The following MAP3K5 variants were observed in gnomAD, a reference collection of about 807,000 sequenced individuals.
MAP3K5 encodes the protein ASK-1.
MAP3K5 carries 56 observed loss-of-function variants against 158.7 expected under a neutral mutation model. The ratio of observed to expected loss-of-function variants is 0.35; its 90% CI spans 0.28 to 0.44. MAP3K5 has a LOEUF of 0.44. Ranked by LOEUF, MAP3K5 falls within the 20% of genes least tolerant of loss-of-function variation. The pLI, the probability that MAP3K5 is intolerant of heterozygous loss-of-function variation, is 1.00. For missense variants in MAP3K5, 1,294 were observed against 1,674.8 expected, an observed-to-expected ratio of 0.77 and a Z score of 3.97; for synonymous variants, 579 against 601.7, an observed-to-expected ratio of 0.96 and a Z score of 0.55.
intron 1 of MAP3K5, among the ~76,000 whole-genome samples, chr6:136,761,667 G>A (rs1783764609): frequency 6.6e-6 from 1 of 152,184 alleles, no homozygotes; most frequent in Non-Finnish European, 1.5e-5. Context: ...TCACAGAAAG[G>A]GGGCCTTGTG....
At chr6:136,642,055 T>TA (rs1175810977) in intron 12 of MAP3K5, among the ~76,000 whole-genome samples, 2 of 136,956 alleles carry the variant, frequency 1.5e-5, no homozygotes, top group African/African-American at 6.2e-5. Flanking sequence ...TAAAATAAAA[T>TA]AAAATAAAAT....
chr6:136,737,057 A>ATATATATATATATATATATATATAT (rs1782506729), intron 1 of MAP3K5, among the ~76,000 whole-genome samples: 1 of 147,662 alleles, frequency 6.8e-6, no homozygotes, highest in African/African-American at 2.5e-5. Context: ...ATATATATAT[A>ATATATATATATATATATATATATAT]AACTTAGATG....
At chr6:136,594,329 G>T (rs1040691231) in intron 21 of MAP3K5, among the ~76,000 whole-genome samples, 1 of 152,142 alleles carries the variant, frequency 6.6e-6, no homozygotes, top group African/African-American at 2.4e-5. Context: ...AGGTTTGAAG[G>T]GGGGCCCAAA....
chr6:136,715,474 C>A (rs1260106733), intron 2 of MAP3K5, among the ~76,000 whole-genome samples: 1 of 152,182 alleles, frequency 6.6e-6, no homozygotes, highest in Non-Finnish European at 1.5e-5. Context: ...AGACTCTCAT[C>A]TTCCCTTCCC....
At chr6:136,668,406 T>G (rs2114518631) in intron 8 of MAP3K5, among the ~76,000 whole-genome samples, 1 of 152,280 alleles carries the variant, frequency 6.6e-6, no homozygotes. Context: ...TCTTTTATTT[T>G]GAAGAAAAAG....
intron 1 of MAP3K5, among the ~76,000 whole-genome samples, chr6:136,723,843 G>A (rs1781844993): frequency 6.6e-6 from 1 of 152,094 alleles, no homozygotes; most frequent in African/African-American, 2.4e-5. Flanking sequence ...CCCCCCTCAA[G>A]GCTAAAAATG....
At chr6:136,748,888 T>C (rs564100856) in intron 1 of MAP3K5, among the ~76,000 whole-genome samples, 1 of 152,398 alleles carries the variant, frequency 6.6e-6, no homozygotes, top group South Asian at 2.1e-4. Context: ...ATTCATTTTG[T>C]ATAATTAAGG....
intron 20 of MAP3K5, 75 bp from the exon 21 acceptor site, chr6:136,601,117 A>C (rs2129085373): frequency 7.0e-7 from 1 of 1,426,800 alleles, no homozygotes; most frequent in South Asian, 1.2e-5. Context: ...TCAACAAAAA[A>C]TGAATGCCTG....
In MAP3K5 at chr6:136,590,787, G is replaced by A. The variant is rs150284813; in HGVS notation, c.3225+1386C>T. On this transcript the variant is annotated intron_variant, in intron 23 of 29. Transcript: ENST00000359015. ...GATCTCCTGACCTCGTGATCCACCC[G>A]CCTCAGCCTCCCAAAGTGCTGGGAT... 1.5e-3 allele frequency among the ~76,000 whole-genome samples: 232 copies of A among 152,142 alleles called. 1 individual carries two copies. The highest frequency in any genetic ancestry group is 2.5e-3 in the Non-Finnish European group (167 of 67,976).
intron 19 of MAP3K5, 102 bp downstream of exon 19, chr6:136,605,107 A>T: frequency 1.7e-6 from 2 of 1,200,206 alleles, no homozygotes; most frequent in Non-Finnish European, 2.4e-6. Context: ...AGTTGTGTTT[A>T]CTTAGCACCC....
chr6:136,651,462 A>C (rs765101163), intron 10 of MAP3K5, among the ~76,000 whole-genome samples: 1 of 152,212 alleles, frequency 6.6e-6, no homozygotes, highest in Non-Finnish European at 1.5e-5. Context: ...GTGTCAAAGA[A>C]AGACAGAAAA....
At chr6:136,573,758 T>C (rs1182116397) in intron 25 of MAP3K5, among the ~76,000 whole-genome samples, 1 of 152,150 alleles carries the variant, frequency 6.6e-6, no homozygotes, top group Non-Finnish European at 1.5e-5. Context: ...GACAGCCATG[T>C]GTCAGGAGAA....
intron 4 of MAP3K5, among the ~76,000 whole-genome samples, chr6:136,697,620 G>A (rs578119393): frequency 7.2e-6 from 1 of 139,466 alleles, no homozygotes; most frequent in South Asian, 2.1e-4. Flanking sequence ...AAAGGTAAAG[G>A]TACTCCATAT....
At chr6:136,702,189 T>C (rs1780882850) in intron 3 of MAP3K5, among the ~76,000 whole-genome samples, 1 of 152,172 alleles carries the variant, frequency 6.6e-6, no homozygotes, top group South Asian at 2.1e-4. Flanking sequence ...CTTTTTTTTT[T>C]TCAATTTCCC....
At chr6:136,691,744 A>C (rs1780396977) in intron 7 of MAP3K5, among the ~76,000 whole-genome samples, 1 of 151,664 alleles carries the variant, frequency 6.6e-6, no homozygotes, top group South Asian at 2.1e-4. Flanking sequence ...TTGCTCTTTT[A>C]TCGTATTGTG....
intron 21 of MAP3K5, among the ~76,000 whole-genome samples, chr6:136,598,317 T>C (rs543476580): frequency 5.3e-5 from 8 of 152,352 alleles, no homozygotes; most frequent in African/African-American, 1.7e-4. Flanking sequence ...CACTGGAAAG[T>C]CTGCCTTGAA....
chr6:136,662,820 A>T (rs918581270), intron 8 of MAP3K5, among the ~76,000 whole-genome samples: 1 of 152,154 alleles, frequency 6.6e-6, no homozygotes, highest in African/African-American at 2.4e-5. Context: ...CTATTTAAAA[A>T]TATTTTGGTT....
chr6:136,583,758 C>T lies in MAP3K5; in HGVS notation c.3226-18G>A. 1 of 1,608,918 alleles carries T rather than the reference C, an allele frequency of 6.2e-7. No homozygotes were observed. Among genetic ancestry groups the T allele is most frequent in the Non-Finnish European group, 8.5e-7 (1 of 1,175,832 alleles). On this transcript the variant is annotated intron_variant, in intron 23 of 29. Coordinates refer to ENST00000359015, the MANE Select transcript of MAP3K5 (RefSeq NM_005923.4). ...TCAGCCCCCTGTGAATAAAAATCAA[C>T]AATCCTTACATCAACATATGCTGGA...
Position 136,641,408 on chromosome 6 carries a change from A to G in MAP3K5, c.1838+1112T>C, listed in dbSNP as rs534028191. 9.2e-5 allele frequency among the ~76,000 whole-genome samples: 14 copies of G among 152,358 alleles called. No homozygotes were observed. In the South Asian group the frequency reaches 1.9e-3, roughly 20 times the overall value. Reference sequence around the variant, plus strand: ...TATGACGTGGGGGTAAACAGTAGTTAGCACATCTAATTTGGTTTGAAATCT... The same window carrying G: ...TATGACGTGGGGGTAAACAGTAGTTGGCACATCTAATTTGGTTTGAAATCT... On this transcript the variant is annotated intron_variant, in intron 12 of 29. Transcript: ENST00000359015.
Sources: allele counts gnomAD v4.1 joint callset (sites outside exome capture counted in the v4.1 genomes callset), GRCh38; gene constraint gnomAD v4.1.1; transcripts MANE v1.5; gene names NCBI Gene and HGNC (gene_info 2026-07-23, HGNC 2026-07-21).